Variants in AFG2A observed in about 807,000 individuals in gnomAD.
AFG2A encodes the protein AAA ATPase AFG2A.
At chr4:123,152,069 T>C in the AFG2A span, among the ~76,000 whole-genome samples, 1,165 of 150,556 alleles carry the variant, frequency 7.7e-3, 17 homozygotes, top group African/African-American at 0.027. Context: ...TAAGTGGGAG[T>C]TGAACAATGA....
the AFG2A span, among the ~76,000 whole-genome samples, chr4:122,946,617 A>G: frequency 1.3e-5 from 2 of 152,148 alleles, no homozygotes; most frequent in Non-Finnish European, 2.9e-5. Context: ...GATCATGATC[A>G]TAGTTCTTTA....
chr4:123,312,776 C>T, the AFG2A span, among the ~76,000 whole-genome samples: 15 of 152,214 alleles, frequency 9.9e-5, no homozygotes, highest in African/African-American at 3.4e-4. Context: ...GTTACATTGT[C>T]GTAATTTGAC....
chr4:122,979,308 T>G, the AFG2A span: 1 of 1,614,238 alleles, frequency 6.2e-7, no homozygotes, highest in African/African-American at 1.3e-5. Context: ...TGGTGAAGAT[T>G]ACTCTGAAGG....
At chr4:122,956,169 C>T in the AFG2A span, among the ~76,000 whole-genome samples, 1 of 152,150 alleles carries the variant, frequency 6.6e-6, no homozygotes, top group African/African-American at 2.4e-5. Flanking sequence ...TAATGATAAA[C>T]TACTCATAAA....
At chr4:123,250,917 G>A in the AFG2A span, among the ~76,000 whole-genome samples, 3 of 152,016 alleles carry the variant, frequency 2.0e-5, no homozygotes, top group African/African-American at 7.2e-5. Context: ...TTCTAGGAAG[G>A]GTGTTTACTC....
chr4:123,030,935 A>C, the AFG2A span, among the ~76,000 whole-genome samples: 8 of 152,190 alleles, frequency 5.3e-5, no homozygotes, highest in African/African-American at 1.7e-4. Flanking sequence ...TTTTAGATTT[A>C]GGGATACTCA....
the AFG2A span, among the ~76,000 whole-genome samples, chr4:123,007,608 G>GTGTGTGTGTGTA: frequency 1.2e-3 from 22 of 18,148 alleles, no homozygotes; most frequent in Non-Finnish European, 1.9e-3. Flanking sequence ...GTGTGTGTGT[G>GTGTGTGTGTGTA]TATATATATA....
chr4:123,006,936 CTCT>C, the AFG2A span, among the ~76,000 whole-genome samples: 1 of 44,542 alleles, frequency 2.2e-5, no homozygotes, highest in African/African-American at 4.1e-5. Context: ...TTCTTTTACT[CTCT>C]TTTTTTTTCT....
chr4:123,287,434 C>A, the AFG2A span, among the ~76,000 whole-genome samples: 1 of 152,132 alleles, frequency 6.6e-6, no homozygotes, highest in Non-Finnish European at 1.5e-5. Context: ...GATAAATGTT[C>A]ATCTGCCTAA....
the AFG2A span, among the ~76,000 whole-genome samples, chr4:122,975,614 C>T: frequency 6.6e-6 from 1 of 152,028 alleles, no homozygotes; most frequent in Non-Finnish European, 1.5e-5. Flanking sequence ...ATACAGAGGG[C>T]TACCTGACAC....
At chr4:123,095,042 A>AAAAAAT in the AFG2A span, among the ~76,000 whole-genome samples, 5 of 114,116 alleles carry the variant, frequency 4.4e-5, no homozygotes, top group South Asian at 2.8e-4. Context: ...AAAAAAAAAA[A>AAAAAAT]ATATATATAT....
chr4:123,235,392 AAAACTTTGGAGACAGCTGTCCTAGGAG>A, the AFG2A span, among the ~76,000 whole-genome samples: 1 of 152,204 alleles, frequency 6.6e-6, no homozygotes, highest in Admixed American at 6.5e-5. Flanking sequence ...GAATGATCAA[AAAACTTTGGAGACAGCTGTCCTAGGAG>A]ACAGTGTCTT....
the AFG2A span, among the ~76,000 whole-genome samples, chr4:123,163,409 T>C: frequency 6.6e-6 from 1 of 152,082 alleles, no homozygotes; most frequent in African/African-American, 2.4e-5. Flanking sequence ...ACGGCTGCAT[T>C]CCAGCCTGGG....
chr4:123,011,842 T>TG, the AFG2A span, among the ~76,000 whole-genome samples: 10 of 144,114 alleles, frequency 6.9e-5, no homozygotes, highest in African/African-American at 1.8e-4. Flanking sequence ...AGTGAAGGGG[T>TG]GGGGGGTGCT....
chr4:123,011,114 G>C, the AFG2A span, among the ~76,000 whole-genome samples: 3 of 152,066 alleles, frequency 2.0e-5, no homozygotes, highest in Non-Finnish European at 4.4e-5. Flanking sequence ...TTGTTCTCTG[G>C]CCAGCATTGA....
the AFG2A span, among the ~76,000 whole-genome samples, chr4:123,203,018 A>G: frequency 1.1e-5 from 1 of 92,792 alleles, no homozygotes; most frequent in South Asian, 2.9e-4. Flanking sequence ...GCGAGACTCC[A>G]TCTCTTAAGT....
the AFG2A span, among the ~76,000 whole-genome samples, chr4:123,281,434 G>GT: frequency 6.6e-6 from 1 of 152,166 alleles, no homozygotes; most frequent in South Asian, 2.1e-4. Flanking sequence ...AATCCAGAGA[G>GT]TAGCTGATCT....
At chr4:123,206,139 G>A in the AFG2A span, among the ~76,000 whole-genome samples, 3 of 152,166 alleles carry the variant, frequency 2.0e-5, no homozygotes, top group Non-Finnish European at 2.9e-5. Context: ...AGGACTTTTC[G>A]AAATGTCTAC....
the AFG2A span, among the ~76,000 whole-genome samples, chr4:123,002,165 T>G: frequency 1.9e-3 from 293 of 152,184 alleles, no homozygotes; most frequent in Admixed American, 3.4e-3. Flanking sequence ...TGGTAGATCT[T>G]CCTCCATCCT....
Sources: gnomAD v4.1 joint callset for allele counts (sites outside exome capture counted in the v4.1 genomes callset) on GRCh38, gnomAD v4.1.1 for gene constraint, MANE v1.5 for transcripts, NCBI Gene and HGNC (gene_info 2026-07-23, HGNC 2026-07-21) for gene names.